Variants in NXPH1 observed in about 807,000 individuals in gnomAD.
NXPH1 encodes neurexophilin 1.
Under a neutral mutation model 23.7 loss-of-function variants are expected in NXPH1, and 5 were observed. That is an observed-to-expected ratio of 0.21 (90% CI 0.11 to 0.44). NXPH1 has a LOEUF of 0.44. NXPH1 is among the 20% of genes least tolerant of loss of function. The pLI is 0.99. For synonymous variants in NXPH1, 144 were observed against 122.2 expected (o/e 1.18, Z -1.18); for missense variants, 324 against 321.6 (o/e 1.01, Z -0.06).
At chr7:8,471,092 A>T (rs1816865290) in intron 2 of NXPH1, among the ~76,000 whole-genome samples, 1 of 152,150 alleles carries the variant, frequency 6.6e-6, no homozygotes, top group Admixed American at 6.6e-5. Context: ...CAGTGAGTTT[A>T]TATCTGAAAA....
chr7:8,575,586 A>AC lies in NXPH1; in HGVS notation c.54+139820dup, dbSNP rs550797728. ...TGCTGCTAACTTTTCTGCAGAAAGA[A>AC]CATAAGTTCTGTAAGCTCCATATTT... is the stretch of plus-strand genomic sequence containing the variant. On this transcript the variant is annotated intron_variant, in intron 2 of 2. Coordinates refer to ENST00000405863, the MANE Select transcript of NXPH1 (RefSeq NM_152745.3). 3.9e-5 allele frequency among the ~76,000 whole-genome samples: 6 copies of AC among 152,318 alleles called. No homozygotes were observed. In the East Asian group the frequency reaches 1.2e-3, roughly 29 times the overall value.
chr7:8,551,360 A>C (rs937240172), intron 2 of NXPH1, among the ~76,000 whole-genome samples: 7 of 151,574 alleles, frequency 4.6e-5, no homozygotes, highest in Admixed American at 1.3e-4. Context: ...AAAGCAAAAC[A>C]TGCTAAATTC....
At chr7:8,571,690 G>A (rs1303020831) in intron 2 of NXPH1, among the ~76,000 whole-genome samples, 1 of 151,952 alleles carries the variant, frequency 6.6e-6, no homozygotes, top group East Asian at 1.9e-4. Flanking sequence ...GAAAAATTTT[G>A]AGCTTGTAAA....
At chr7:8,729,489 C>T (rs898104752) in intron 2 of NXPH1, among the ~76,000 whole-genome samples, 1 of 138,250 alleles carries the variant, frequency 7.2e-6, no homozygotes, top group Non-Finnish European at 1.5e-5. Context: ...TGCTATAAAT[C>T]TCCCTCTACA....
chr7:8,513,126 A>T (rs1817636749), intron 2 of NXPH1, among the ~76,000 whole-genome samples: 1 of 152,104 alleles, frequency 6.6e-6, no homozygotes, highest in Admixed American at 6.6e-5. Context: ...AAAAGTGCCC[A>T]ACTACCCAAG....
intron 2 of NXPH1, among the ~76,000 whole-genome samples, chr7:8,605,768 T>G (rs1047267388): frequency 6.6e-6 from 1 of 151,882 alleles, no homozygotes; most frequent in Non-Finnish European, 1.5e-5. Context: ...AAAAATCAAA[T>G]AAGATTAGGA....
At chr7:8,500,207 T>G (rs1466733321) in intron 2 of NXPH1, among the ~76,000 whole-genome samples, 1 of 152,086 alleles carries the variant, frequency 6.6e-6, no homozygotes, top group Non-Finnish European at 1.5e-5. Context: ...TGGACTTAAT[T>G]AGTGGTCACT....
At chr7:8,461,978 T>C (rs1584170539) in intron 2 of NXPH1, among the ~76,000 whole-genome samples, 1 of 152,308 alleles carries the variant, frequency 6.6e-6, no homozygotes, top group Middle Eastern at 3.4e-3. Flanking sequence ...TTAATATAGA[T>C]GTTCTTTTCT....
intron 2 of NXPH1, among the ~76,000 whole-genome samples, chr7:8,530,114 C>A (rs1004795607): frequency 6.6e-6 from 1 of 152,026 alleles, no homozygotes; most frequent in Admixed American, 6.6e-5. Context: ...ACACTTACCA[C>A]GGGATGTAGA....
chr7:8,749,051 T>A (rs1052215640), intron 2 of NXPH1, among the ~76,000 whole-genome samples: 2 of 152,182 alleles, frequency 1.3e-5, no homozygotes, highest in African/African-American at 2.4e-5. Flanking sequence ...GGAGCCCATT[T>A]TTTTCCACAT....
At chr7:8,720,851 G>T (rs1488071007) in intron 2 of NXPH1, among the ~76,000 whole-genome samples, 1 of 152,122 alleles carries the variant, frequency 6.6e-6, no homozygotes, top group African/African-American at 2.4e-5. Context: ...CCTATAAAAT[G>T]ATTTGCAGTG....
intron 2 of NXPH1, among the ~76,000 whole-genome samples, chr7:8,516,175 A>G (rs1817684296): frequency 6.6e-6 from 1 of 152,090 alleles, no homozygotes; most frequent in African/African-American, 2.4e-5. Context: ...CCTTTCCATC[A>G]TTAGTAACCT....
chr7:8,696,897 A>T (rs1345158385), intron 2 of NXPH1, among the ~76,000 whole-genome samples: 1 of 150,050 alleles, frequency 6.7e-6, no homozygotes, highest in Admixed American at 6.7e-5. Flanking sequence ...TTATCCCAGC[A>T]CTTTGGGAGG....
intron 2 of NXPH1, among the ~76,000 whole-genome samples, chr7:8,483,286 G>C (rs1402648109): frequency 6.6e-6 from 1 of 152,062 alleles, no homozygotes; most frequent in African/African-American, 2.4e-5. Flanking sequence ...GGTTGAATTA[G>C]AAGTTTTAAG....
chr7:8,450,408 G>A (rs1354287237), intron 2 of NXPH1, among the ~76,000 whole-genome samples: 1 of 152,230 alleles, frequency 6.6e-6, no homozygotes, highest in African/African-American at 2.4e-5. Flanking sequence ...AGTCAAAAGA[G>A]TTTCAGACAT....
intron 2 of NXPH1, among the ~76,000 whole-genome samples, chr7:8,741,454 G>T (rs6974252): frequency 1.3e-5 from 2 of 151,930 alleles, no homozygotes; most frequent in South Asian, 2.1e-4. Context: ...TCTATTTGTA[G>T]TTGTAGTTTT....
At chr7:8,672,898 A>G (rs1249094162) in intron 2 of NXPH1, among the ~76,000 whole-genome samples, 1 of 152,178 alleles carries the variant, frequency 6.6e-6, no homozygotes, top group Non-Finnish European at 1.5e-5. Flanking sequence ...CTAAGGGAAG[A>G]GGCAAGGTGG....
chr7:8,609,744 A>G (rs1819575842), intron 2 of NXPH1, among the ~76,000 whole-genome samples: 1 of 152,018 alleles, frequency 6.6e-6, no homozygotes, highest in South Asian at 2.1e-4. Flanking sequence ...ATTTTAATAT[A>G]TTTTCTCCCA....
chr7:8,668,079 G>T (rs1820806030), intron 2 of NXPH1, among the ~76,000 whole-genome samples: 1 of 105,544 alleles, frequency 9.5e-6, no homozygotes, highest in African/African-American at 3.3e-5. Flanking sequence ...TTCTAATTTG[G>T]TTGTTTATTA....
Sources: allele counts gnomAD v4.1 joint callset (sites outside exome capture counted in the v4.1 genomes callset), GRCh38; gene constraint gnomAD v4.1.1; transcripts MANE v1.5; gene names NCBI Gene and HGNC (gene_info 2026-07-23, HGNC 2026-07-21).